JAKMIP2: variants seen among roughly 807,000 people sequenced by gnomAD.
JAKMIP2 encodes janus kinase and microtubule-interacting protein 2.
In JAKMIP2, 25 loss-of-function variants were observed where a neutral mutation model predicts 115.0. The observed-to-expected ratio is 0.22, with a 90% CI of 0.16 to 0.30. JAKMIP2 has a LOEUF of 0.30. Among genes scored for constraint, JAKMIP2 ranks in the 10% least tolerant of loss-of-function variants. The probability of loss-of-function intolerance (pLI) is 1.00; values close to 1 mark genes in which losing one functional copy is unlikely to be tolerated. For synonymous variants in JAKMIP2, 334 were observed against 343.6 expected (o/e 0.97, Z 0.31); for missense variants, 642 against 957.6 (o/e 0.67, Z 4.35).
intron 21 of JAKMIP2, among the ~76,000 whole-genome samples, chr5:147,600,049 C>T (rs1251040880): frequency 2.1e-5 from 3 of 145,206 alleles, no homozygotes; most frequent in Non-Finnish European, 3.0e-5. Context: ...TTGTCTCTTA[C>T]TGAAATTTAT....
intron 16 of JAKMIP2, among the ~76,000 whole-genome samples, chr5:147,628,418 T>G (rs1757206431): frequency 6.6e-6 from 1 of 152,152 alleles, no homozygotes; most frequent in African/African-American, 2.4e-5. Context: ...ATGCTCCAGT[T>G]TATCATCGCC....
chr5:147,702,619 A>AGAAG (rs1561547448), intron 1 of JAKMIP2, among the ~76,000 whole-genome samples: 138 of 96,228 alleles, frequency 1.4e-3, no homozygotes, highest in Middle Eastern at 5.0e-3. Context: ...AAAGAAAGAA[A>AGAAG]GAAAGAAAGA....
At position 147,725,463 on chromosome 5, in the gene JAKMIP2, A is replaced by G. The variant is rs569230291; in HGVS notation, c.-148-53509T>C. On this transcript the variant is annotated intron_variant, in intron 1 of 21. Transcript: ENST00000616793. The stretch of plus-strand genomic sequence containing the variant: ...CAAGGTCCAAGAACCCTCTCTTAGG[A>G]TCTGCACTGGGACCTACCCCTTTTT... Among the ~76,000 whole-genome samples, 18 of 152,198 alleles carry G rather than the reference A, an allele frequency of 1.2e-4. No individual in the cohort carries two copies. In the East Asian group the frequency reaches 1.5e-3, roughly 13 times the overall value.
intron 16 of JAKMIP2, among the ~76,000 whole-genome samples, chr5:147,627,412 G>A (rs908223043): frequency 4.6e-5 from 7 of 151,904 alleles, no homozygotes; most frequent in Admixed American, 1.3e-4. Context: ...GAAAGAGAGA[G>A]AGAATGGAGG....
intron 1 of JAKMIP2, among the ~76,000 whole-genome samples, chr5:147,718,772 A>G (rs1753129048): frequency 6.6e-6 from 1 of 151,954 alleles, no homozygotes; most frequent in African/African-American, 2.4e-5. Flanking sequence ...CAGTCTATCA[A>G]TTTTGTTGAT....
At chr5:147,661,622 G>A (rs9325048) in intron 2 of JAKMIP2, 177 bp from the exon 3 acceptor site, 128,645 of 613,004 alleles carry the variant, frequency 0.21, 17,072 homozygotes, top group East Asian at 0.47. Context: ...CAGTGTGTAA[G>A]AGGAGGAAAT....
intron 1 of JAKMIP2, among the ~76,000 whole-genome samples, chr5:147,756,696 C>T (rs1274057077): frequency 1.3e-5 from 2 of 151,996 alleles, no homozygotes; most frequent in Admixed American, 6.6e-5. Flanking sequence ...CAAGAAGGTG[C>T]AGGGCTACTC....
intron 1 of JAKMIP2, among the ~76,000 whole-genome samples, chr5:147,689,338 A>G (rs1207700623): frequency 6.6e-6 from 1 of 152,202 alleles, no homozygotes; most frequent in Non-Finnish European, 1.5e-5. Context: ...GGAGGAGTTG[A>G]GAGGGGCAGT....
intron 1 of JAKMIP2, among the ~76,000 whole-genome samples, chr5:147,752,185 C>T (rs547359256): frequency 1.6e-3 from 245 of 152,110 alleles, no homozygotes; most frequent in African/African-American, 5.7e-3. Context: ...ATGGGGAAGG[C>T]GAATTCCAGG....
chr5:147,778,661 A>C lies in JAKMIP2; in HGVS notation c.-149+3795T>G, dbSNP rs535352178. Among the ~76,000 whole-genome samples, 4 of 152,206 alleles carry C rather than the reference A, an allele frequency of 2.6e-5. No homozygotes were observed. In the South Asian group the frequency reaches 6.2e-4, roughly 24 times the overall value. On this transcript the variant is annotated intron_variant, in intron 1 of 21. Coordinates refer to ENST00000616793, the MANE Select transcript of JAKMIP2 (RefSeq NM_001270941.2). Reference sequence around the variant, plus strand: ...ATAATGATAGAATTGAAATGATAGAATATAAACTGAAATTGATAGAATATA... The same window carrying C: ...ATAATGATAGAATTGAAATGATAGACTATAAACTGAAATTGATAGAATATA...
chr5:147,695,457 T>G (rs1752060431), intron 1 of JAKMIP2, among the ~76,000 whole-genome samples: 1 of 152,186 alleles, frequency 6.6e-6, no homozygotes, highest in African/African-American at 2.4e-5. Context: ...CCACATATCC[T>G]GTCTCGAGAG....
chr5:147,621,844 A>G (rs1035255184), intron 17 of JAKMIP2, among the ~76,000 whole-genome samples: 9 of 152,172 alleles, frequency 5.9e-5, no homozygotes, highest in African/African-American at 2.2e-4. Flanking sequence ...TATAATGATA[A>G]CATTAATCAT....
At chr5:147,629,552 T>C in intron 15 of JAKMIP2, 141 bp downstream of exon 15, 1 of 585,670 alleles carries the variant, frequency 1.7e-6, no homozygotes, top group East Asian at 3.0e-5. Flanking sequence ...GTTTGATAAA[T>C]TGTATATTCT....
At chr5:147,713,537 A>C (rs1303580763) in intron 1 of JAKMIP2, among the ~76,000 whole-genome samples, 1 of 152,194 alleles carries the variant, frequency 6.6e-6, no homozygotes, top group Non-Finnish European at 1.5e-5. Flanking sequence ...TTAATGGCAG[A>C]CTGGGTAATT....
intron 15 of JAKMIP2, among the ~76,000 whole-genome samples, chr5:147,629,089 A>G (rs1406258772): frequency 6.6e-6 from 1 of 152,222 alleles, no homozygotes; most frequent in Non-Finnish European, 1.5e-5. Flanking sequence ...TGAGAAAAAC[A>G]GAAACCAAAA....
chr5:147,612,404 AGTAGGTG>A, intron 19 of JAKMIP2, 33 bp from the exon 20 acceptor site: 3 of 1,318,210 alleles, frequency 2.3e-6, no homozygotes, highest in South Asian at 1.2e-5. Flanking sequence ...AGAAAGCATC[AGTAGGTG>A]GTAAGTTGTG....
chr5:147,696,412 C>T (rs528297889), intron 1 of JAKMIP2, among the ~76,000 whole-genome samples: 6 of 152,188 alleles, frequency 3.9e-5, no homozygotes, highest in Admixed American at 3.9e-4. Context: ...CTCTCTGTGC[C>T]GCCATGCAAA....
intron 10 of JAKMIP2, among the ~76,000 whole-genome samples, chr5:147,638,240 T>A (rs1757715555): frequency 6.6e-6 from 1 of 152,182 alleles, no homozygotes; most frequent in African/African-American, 2.4e-5. Context: ...ATTATTTTTC[T>A]AAGAATGGTA....
At chr5:147,641,172 T>A (rs7729949) in intron 8 of JAKMIP2, among the ~76,000 whole-genome samples, 33,441 of 152,106 alleles carry the variant, frequency 0.22, 4,642 homozygotes, top group East Asian at 0.58. Flanking sequence ...ATCTATGTGA[T>A]GGAGATGATC....
Sources: gnomAD v4.1 joint callset for allele counts (sites outside exome capture counted in the v4.1 genomes callset) on GRCh38, gnomAD v4.1.1 for gene constraint, MANE v1.5 for transcripts, NCBI Gene and HGNC (gene_info 2026-07-23, HGNC 2026-07-21) for gene names.